CEP76: variants seen among roughly 807,000 people sequenced by gnomAD.
CEP76 encodes centrosomal protein 76.
A neutral mutation model predicts 83.3 loss-of-function variants in CEP76; 55 were observed. The observed-to-expected ratio is 0.66, with a 90% confidence interval of 0.53 to 0.83. The LOEUF is 0.83. Ranked by LOEUF, CEP76 falls within the 40% of genes least tolerant of loss-of-function variation. The probability of loss-of-function intolerance (pLI) is 0.00; values close to 1 mark genes in which losing one functional copy is unlikely to be tolerated. For missense variants in CEP76, 694 were observed against 799.5 expected (o/e 0.87, Z 1.59); for synonymous variants, 270 against 274.5 (o/e 0.98, Z 0.16).
chr18:12,687,104 T>C (rs2039565509), intron 7 of CEP76, among the ~76,000 whole-genome samples: 1 of 152,178 alleles, frequency 6.6e-6, no homozygotes, highest in Non-Finnish European at 1.5e-5. Context: ...CAGTGAGTAT[T>C]ACCAAAGTCC....
At chr18:12,669,020 G>A (rs1413062583), downstream of CEP76, among the ~76,000 whole-genome samples, 2 of 118,696 alleles carry the variant, frequency 1.7e-5, no homozygotes, top group African/African-American at 6.7e-5. Flanking sequence ...TTGAGCTACC[G>A]CACCCCCCGC....
intron 9 of CEP76, among the ~76,000 whole-genome samples, chr18:12,679,817 C>G (rs1186612646): frequency 6.6e-6 from 1 of 151,910 alleles, no homozygotes; most frequent in East Asian, 1.9e-4. Flanking sequence ...AATCTCAGCA[C>G]TTTGGAAGGC....
At chr18:12,662,352 A>G (rs1224966253) in intron 12 of CEP76, among the ~76,000 whole-genome samples, 1 of 152,252 alleles carries the variant, frequency 6.6e-6, no homozygotes, top group Non-Finnish European at 1.5e-5. Flanking sequence ...CTTACAGAAG[A>G]GAAAATACAG....
chr18:12,698,085 T>C (rs563701660), intron 4 of CEP76, among the ~76,000 whole-genome samples: 18 of 152,098 alleles, frequency 1.2e-4, no homozygotes, highest in Non-Finnish European at 2.5e-4. Flanking sequence ...ACATGCTTTA[T>C]TGGAGAAATA....
At chr18:12,662,461 G>A (rs2038712773) in intron 12 of CEP76, among the ~76,000 whole-genome samples, 1 of 152,154 alleles carries the variant, frequency 6.6e-6, no homozygotes, top group African/African-American at 2.4e-5. Context: ...CAATGTCCAT[G>A]TACACTCACA....
chr18:12,678,355 AAC>A lies in CEP76; in HGVS notation c.1375_1376del (p.Val459PhefsTer14), dbSNP rs2039219899. 1 of 1,614,004 alleles carries A rather than the reference AAC, an allele frequency of 6.2e-7. No homozygotes were observed. The highest frequency in any genetic ancestry group is 1.7e-5 in the Admixed American group (1 of 59,980). Reference sequence around the variant, plus strand: ...TTCCCAGGAACATCTGATGGTTGAAAACACAACCAATTGTTCGATATGGGTAC... The same window carrying A: ...TTCCCAGGAACATCTGATGGTTGAAAACAACCAATTGTTCGATATGGGTAC... ...PLYPYRTIGC[V>X]FNHQMFLGNC... On this transcript the variant is annotated frameshift_variant, in exon 10 of 12. Transcript: ENST00000262127. LOFTEE classifies it high-confidence loss of function.
intron 7 of CEP76, among the ~76,000 whole-genome samples, chr18:12,687,696 G>A (rs1461892025): frequency 2.0e-5 from 3 of 151,376 alleles, no homozygotes; most frequent in Non-Finnish European, 4.4e-5. Flanking sequence ...CAAGTGATCC[G>A]CCCACCTCGA....
upstream of CEP76, chr18:12,702,724 G>A (rs1156930810): frequency 4.4e-6 from 3 of 676,332 alleles, no homozygotes; most frequent in South Asian, 2.0e-5. Context: ...ACCTGGAAAT[G>A]AGGCCCCGGC....
At chr18:12,673,972 T>G (rs1239577917) in intron 11 of CEP76, among the ~76,000 whole-genome samples, 3 of 152,172 alleles carry the variant, frequency 2.0e-5, no homozygotes, top group Non-Finnish European at 4.4e-5. Context: ...TATAGACTAT[T>G]TCCTTATAGT....
At chr18:12,678,576 T>C (rs2039228029) in intron 9 of CEP76, 134 bp from the exon 10 acceptor site, 1 of 607,706 alleles carries the variant, frequency 1.6e-6, no homozygotes, top group African/African-American at 1.8e-5. Flanking sequence ...TTTTCTTTTT[T>C]ATATTTCCAC....
chr18:12,680,950 AC>A, intron 8 of CEP76, 122 bp from the exon 9 acceptor site: 2 of 872,588 alleles, frequency 2.3e-6, no homozygotes, highest in Non-Finnish European at 3.3e-6. Context: ...TGTAATCCCA[AC>A]ACTTTGGGAG....
chr18:12,687,261 T>A (rs2039570717), intron 7 of CEP76, among the ~76,000 whole-genome samples: 1 of 152,182 alleles, frequency 6.6e-6, no homozygotes, highest in East Asian at 1.9e-4. Flanking sequence ...CTGTTTGAAT[T>A]ATCAGAACCA....
intron 3 of CEP76, 31 bp downstream of exon 3, chr18:12,699,799 C>A: frequency 8.0e-7 from 1 of 1,244,342 alleles, no homozygotes; most frequent in Non-Finnish European, 1.1e-6. Context: ...TACTATTAAC[C>A]ACAACTAAAT....
Position 12,688,228 on chromosome 18 carries a change from C to CA in CEP76, c.934-1779dup, listed in dbSNP as rs11337170. Among the ~76,000 whole-genome samples the CA allele has an allele frequency of 3.4e-3, 315 of 93,720 alleles. 1 individual carries two copies. Among genetic ancestry groups the CA allele is most frequent in the Non-Finnish European group, 4.6e-3 (211 of 46,108 alleles). 61.5% of individuals were successfully genotyped at this position (93,720 alleles called of 152,430 possible). ...CCTGGGCGAGAGCGAGACTCCATCTCAAAAAAAAAAAAAAAAAAACAAAAC... is the reference window on the plus strand; with the variant it reads ...CCTGGGCGAGAGCGAGACTCCATCTCAAAAAAAAAAAAAAAAAAAACAAAAC... On this transcript the variant is annotated intron_variant, in intron 7 of 11. Transcript: ENST00000262127.
At chr18:12,670,651 T>A (rs574954304), downstream of CEP76, 3 of 136,436 alleles carry the variant, frequency 2.2e-5, no homozygotes, top group African/African-American at 8.3e-5. Flanking sequence ...AAAAGAGTGG[T>A]TTTTTTTAAC....
At chr18:12,675,551 A>G (rs1293874788) in intron 10 of CEP76, among the ~76,000 whole-genome samples, 1 of 152,224 alleles carries the variant, frequency 6.6e-6, no homozygotes, top group Non-Finnish European at 1.5e-5. Flanking sequence ...CTGAACATGT[A>G]CTCTATAAAA....
intron 6 of CEP76, among the ~76,000 whole-genome samples, chr18:12,694,932 G>A (rs2039897260): frequency 6.6e-6 from 1 of 151,500 alleles, no homozygotes. Context: ...AGCCAGGATG[G>A]TCACGATCTC....
At chr18:12,698,713 A>G (rs1043656456) in intron 4 of CEP76, 1 of 412,696 alleles carries the variant, frequency 2.4e-6, no homozygotes, top group Non-Finnish European at 4.3e-6. Flanking sequence ...CTAGCATAAC[A>G]CTATGCACAT....
intron 1 of CEP76, 171 bp downstream of exon 1, chr18:12,702,315 G>T: frequency 1.8e-6 from 1 of 561,828 alleles, no homozygotes; most frequent in East Asian, 3.4e-5. Flanking sequence ...TCTCGGAGAC[G>T]AGGACGCTCT....
Sources: gnomAD v4.1 joint callset for allele counts (sites outside exome capture counted in the v4.1 genomes callset) on GRCh38, gnomAD v4.1.1 for gene constraint, MANE v1.5 for transcripts, NCBI Gene and HGNC (gene_info 2026-07-23, HGNC 2026-07-21) for gene names.